The following RIC3 variants were observed in gnomAD, a reference collection of about 807,000 sequenced individuals.
The protein encoded by RIC3 is protein RIC-3.
RIC3 carries 28 observed loss-of-function variants against 27.3 expected under a neutral mutation model. The ratio of observed to expected loss-of-function variants is 1.02; its 90% CI spans 0.76 to 1.41. The LOEUF (loss-of-function observed/expected upper bound fraction) is 1.41, where lower values mean the gene tolerates loss of function less well. RIC3 is among the 40% of genes most tolerant of loss of function. RIC3 has a pLI of 0.00. For missense variants in RIC3, 501 were observed against 444.7 expected (o/e 1.13, Z -1.14); for synonymous variants, 184 against 160.4 (o/e 1.15, Z -1.11).
At chr11:8,148,272 AC>A (rs1269616722) in intron 1 of RIC3, among the ~76,000 whole-genome samples, 15 of 152,184 alleles carry the variant, frequency 9.9e-5, no homozygotes, top group African/African-American at 3.6e-4. Flanking sequence ...AAAGGAAATC[AC>A]CATGTCACCA....
chr11:8,106,190 T>G lies in RIC3; in HGVS notation c.*4508A>C, dbSNP rs574533642. 1 of 152,350 alleles carries G rather than the reference T, an allele frequency of 6.6e-6. No homozygotes were observed. The highest frequency in any genetic ancestry group is 2.1e-4 in the South Asian group (1 of 4,826). 9.4% of individuals were successfully genotyped at this position (152,350 alleles called of 1,614,324 possible). A position where few individuals can be genotyped will look rare whatever the true frequency, so the allele number is the denominator to read the frequency against. ...ACATTATGTATGTTGTAGAATTTAG[T>G]GTTTGTCTAAGTACACACATATATC... On this transcript the variant is annotated 3_prime_UTR_variant, in exon 6 of 6. Coordinates refer to ENST00000309737, the MANE Select transcript of RIC3 (RefSeq NM_001206671.4).
At chr11:8,128,882 A>G (rs1311941309) in intron 4 of RIC3, among the ~76,000 whole-genome samples, 8 of 148,656 alleles carry the variant, frequency 5.4e-5, no homozygotes, top group Non-Finnish European at 5.9e-5. Context: ...AGCCTCCCGC[A>G]TAGCTGGGAC....
rs947874440 is a variant in RIC3 at position 8,109,654 on chromosome 11, T to C, written c.*1044A>G. On this transcript the variant is annotated 3_prime_UTR_variant, in exon 6 of 6. Transcript: ENST00000309737. The stretch of plus-strand genomic sequence containing the variant: ...TATACAAGATCAGTCCTCATTTGTT[T>C]CAATTTATGGTTCTGAGAAGAAATT... 6.6e-6 allele frequency: 1 copy of C among 152,200 alleles called. No homozygotes were observed. Among genetic ancestry groups the C allele is most frequent in the African/African-American group, 2.4e-5 (1 of 41,450 alleles). The allele number at this position is 152,200 out of a possible 1,614,324, so 9.4% of individuals were successfully genotyped here. A position where few individuals can be genotyped will look rare whatever the true frequency, so the allele number is the denominator to read the frequency against.
chr11:8,098,834 G>A, the RIC3 span: 1 of 1,614,140 alleles, frequency 6.2e-7, no homozygotes. Flanking sequence ...CTCCACTTTG[G>A]AAAGTGGAAC....
chr11:8,100,911 A>G, the RIC3 span: 1 of 1,614,158 alleles, frequency 6.2e-7, no homozygotes, highest in Non-Finnish European at 8.5e-7. Flanking sequence ...GTCTGGAATG[A>G]TGACACACAG....
At chr11:8,120,650 C>T (rs763200461) in intron 5 of RIC3, among the ~76,000 whole-genome samples, 22 of 151,880 alleles carry the variant, frequency 1.4e-4, no homozygotes, top group Middle Eastern at 3.2e-3. Flanking sequence ...ACGTTGTACA[C>T]ATGTACCCTA....
chr11:8,148,663 T>G (rs1949947461), intron 1 of RIC3, among the ~76,000 whole-genome samples: 1 of 148,432 alleles, frequency 6.7e-6, no homozygotes, highest in Non-Finnish European at 1.5e-5. Flanking sequence ...AGGAAAATTT[T>G]AGGATCCTAT....
chr11:8,141,652 T>G (rs1041546271), intron 1 of RIC3, among the ~76,000 whole-genome samples: 5 of 151,926 alleles, frequency 3.3e-5, no homozygotes, highest in African/African-American at 1.2e-4. Flanking sequence ...ACCCAGGAAT[T>G]GAACTCAGCT....
At chr11:8,113,709 C>T (rs1416509173) in intron 5 of RIC3, among the ~76,000 whole-genome samples, 1 of 152,156 alleles carries the variant, frequency 6.6e-6, no homozygotes, top group Non-Finnish European at 1.5e-5. Flanking sequence ...TTGGGCCGGC[C>T]CTCAGAACCC....
At chr11:8,150,288 A>G (rs1950099564) in intron 1 of RIC3, among the ~76,000 whole-genome samples, 1 of 152,166 alleles carries the variant, frequency 6.6e-6, no homozygotes, top group South Asian at 2.1e-4. Flanking sequence ...CAATTTATAA[A>G]TCATATTTTT....
chr11:8,154,503 A>G (rs1950502368), intron 1 of RIC3, among the ~76,000 whole-genome samples: 1 of 152,240 alleles, frequency 6.6e-6, no homozygotes, highest in African/African-American at 2.4e-5. Context: ...TATATTGGAC[A>G]CATGCTTCTC....
chr11:8,140,344 CAT>C, intron 1 of RIC3, 151 bp from the exon 2 acceptor site: 1 of 688,444 alleles, frequency 1.5e-6, no homozygotes, highest in South Asian at 2.0e-5. Context: ...AGGTATCACA[CAT>C]ATCCTAAATA....
chr11:8,094,177 G>A, the RIC3 span: 1 of 1,613,048 alleles, frequency 6.2e-7, no homozygotes, highest in South Asian at 1.1e-5. Context: ...GGAGAAGAAG[G>A]GAAAGCACAA....
At chr11:8,131,625 G>C (rs1418091171) in intron 4 of RIC3, among the ~76,000 whole-genome samples, 1 of 152,102 alleles carries the variant, frequency 6.6e-6, no homozygotes, top group Non-Finnish European at 1.5e-5. Flanking sequence ...TAGGGGCCAG[G>C]TGCGGTGGCT....
intron 4 of RIC3, among the ~76,000 whole-genome samples, chr11:8,127,432 A>G (rs573828240): frequency 2.0e-5 from 3 of 152,374 alleles, no homozygotes; most frequent in African/African-American, 7.2e-5. Context: ...ATGAAGCACT[A>G]TAACTAAAAC....
At chr11:8,129,064 A>C (rs921768398) in intron 4 of RIC3, among the ~76,000 whole-genome samples, 7 of 151,192 alleles carry the variant, frequency 4.6e-5, no homozygotes, top group African/African-American at 1.5e-4. Flanking sequence ...AAAAACTTTT[A>C]CTCCTAAGTG....
intron 1 of RIC3, among the ~76,000 whole-genome samples, chr11:8,143,567 T>C (rs1241909090): frequency 1.3e-5 from 2 of 151,942 alleles, no homozygotes; most frequent in Non-Finnish European, 2.9e-5. Flanking sequence ...TGCTCATGGG[T>C]AGGAAGAATC....
chr11:8,128,465 C>T, intron 4 of RIC3: 1 of 350,262 alleles, frequency 2.9e-6, no homozygotes, highest in East Asian at 7.5e-5. Context: ...TTTTATTGTC[C>T]ATATCATGCA....
intron 3 of RIC3, 26 bp from the exon 4 acceptor site, chr11:8,137,497 A>G: frequency 1.9e-6 from 3 of 1,592,288 alleles, no homozygotes; most frequent in Non-Finnish European, 2.6e-6. Context: ...CAATCTAAGA[A>G]CCATCAGAGA....
Sources: allele counts gnomAD v4.1 joint callset (sites outside exome capture counted in the v4.1 genomes callset), GRCh38; gene constraint gnomAD v4.1.1; transcripts MANE v1.5; gene names NCBI Gene and HGNC (gene_info 2026-07-23, HGNC 2026-07-21).